GALNT2: variants seen among roughly 807,000 people sequenced by gnomAD.
GALNT2 encodes the protein UDP-GalNAc:polypeptide N-acetylgalactosaminyltransferase 2.
Under a neutral mutation model 81.4 loss-of-function variants are expected in GALNT2, and 31 were observed. That is an observed-to-expected ratio of 0.38 (90% CI 0.29 to 0.51). The LOEUF is 0.51. GALNT2 is among the 20% of genes least tolerant of loss of function. GALNT2 has a pLI of 0.87. For missense variants in GALNT2, 629 were observed against 765.7 expected, an observed-to-expected ratio of 0.82 and a Z score of 2.11; for synonymous variants, 303 against 287.4, an observed-to-expected ratio of 1.05 and a Z score of -0.55.
intron 1 of GALNT2, among the ~76,000 whole-genome samples, chr1:230,165,310 G>A (rs906984073): frequency 2.6e-5 from 4 of 152,202 alleles, no homozygotes; most frequent in Non-Finnish European, 4.4e-5. Context: ...ATGTGGCTCT[G>A]TGATCTTTAT....
intron 3 of GALNT2, among the ~76,000 whole-genome samples, chr1:230,212,728 C>A (rs80067692): frequency 0.036 from 5,461 of 152,258 alleles, 297 homozygotes; most frequent in East Asian, 0.21. Context: ...CACACCAAAG[C>A]CATGTCATTA....
At chr1:230,208,648 T>C (rs538284167) in intron 3 of GALNT2, among the ~76,000 whole-genome samples, 23 of 152,248 alleles carry the variant, frequency 1.5e-4, no homozygotes, top group Non-Finnish European at 3.2e-4. Context: ...TTGAGATCTT[T>C]AGCTGTGAAT....
rs1205022870 is a variant in GALNT2 at position 230,090,435 on chromosome 1, C to A, written c.126+23029C>A. 5.6e-4 allele frequency among the ~76,000 whole-genome samples: 85 copies of A among 152,092 alleles called. 2 individuals are homozygous for A. Among genetic ancestry groups the A allele is most frequent in the Non-Finnish European group, 1.5e-5 (1 of 68,038 alleles). On this transcript the variant is annotated intron_variant, in intron 1 of 15. Coordinates refer to ENST00000366672, the MANE Select transcript of GALNT2 (RefSeq NM_004481.5). ...TGCCCCTCCACAGCCTCTGCAAATGCCGTGTGAAGGTGGTGGACCTGCTAC... is the reference window on the plus strand; with the variant it reads ...TGCCCCTCCACAGCCTCTGCAAATGACGTGTGAAGGTGGTGGACCTGCTAC...
chr1:230,213,384 T>C (rs1036023483), intron 3 of GALNT2, among the ~76,000 whole-genome samples: 3 of 152,284 alleles, frequency 2.0e-5, no homozygotes, highest in Non-Finnish European at 4.4e-5. Context: ...TTTATCATTA[T>C]GAAATGCACT....
At position 230,203,250 on chromosome 1, in the gene GALNT2, C is replaced by T; in HGVS notation, c.334C>T (p.Leu112Phe). The T allele has an allele frequency of 1.2e-6, 2 of 1,614,182 alleles. No individual in the cohort carries two copies. The highest frequency in any genetic ancestry group is 1.7e-6 in the Non-Finnish European group (2 of 1,180,026). Reference sequence around the variant, plus strand: ...GTTCAACCAGGTGGAGAGTGATAAGCTTCGAATGGACAGAGCCATCCCTGA... The same window carrying T: ...GTTCAACCAGGTGGAGAGTGATAAGTTTCGAATGGACAGAGCCATCCCTGA... ...NKFNQVESDK[L>F]RMDRAIPDTR... The change falls in exon 3 of 16, where the codon CTT (leucine) becomes TTT (phenylalanine). Residue 112 changes from leucine (L) to phenylalanine (F), a missense_variant. Leu to Phe is a conservative substitution (Grantham distance 22, BLOSUM62 0). Around this residue, in one of 3 missense-constraint regions of GALNT2, gnomAD observed 360 missense variants for 492.8 expected, o/e 0.73. Transcript: ENST00000366672.
intron 14 of GALNT2, among the ~76,000 whole-genome samples, chr1:230,272,091 C>G (rs1251611885): frequency 1.3e-5 from 2 of 152,186 alleles, no homozygotes; most frequent in Non-Finnish European, 2.9e-5. Context: ...TCCTAAAACC[C>G]CTGTGGCTCA....
chr1:230,074,220 G>A (rs1659463015), intron 1 of GALNT2, among the ~76,000 whole-genome samples: 1 of 151,984 alleles, frequency 6.6e-6, no homozygotes, highest in Non-Finnish European at 1.5e-5. Flanking sequence ...ACCCTACCGA[G>A]TAGCTAAGAC....
chr1:230,145,509 G>T (rs1317413017), intron 1 of GALNT2, among the ~76,000 whole-genome samples: 1 of 152,240 alleles, frequency 6.6e-6, no homozygotes, highest in Non-Finnish European at 1.5e-5. Context: ...AGGGATGGTT[G>T]TAATAAATAC....
intron 1 of GALNT2, among the ~76,000 whole-genome samples, chr1:230,169,443 A>G (rs888129321): frequency 6.6e-6 from 1 of 152,194 alleles, no homozygotes; most frequent in Non-Finnish European, 1.5e-5. Context: ...AACTATTCCT[A>G]GTTGCATTTT....
chr1:230,251,844 C>T (rs1665554305), intron 10 of GALNT2, among the ~76,000 whole-genome samples: 1 of 152,120 alleles, frequency 6.6e-6, no homozygotes, highest in Non-Finnish European at 1.5e-5. Flanking sequence ...TTTGTGTCAT[C>T]GTGTAGGAAG....
intron 8 of GALNT2, among the ~76,000 whole-genome samples, chr1:230,247,994 A>G (rs1665427213): frequency 6.6e-6 from 1 of 152,200 alleles, no homozygotes; most frequent in Non-Finnish European, 1.5e-5. Flanking sequence ...GCACCATGAT[A>G]AGAGCCAGCT....
chr1:230,227,522 A>C (rs1383452903), intron 3 of GALNT2, among the ~76,000 whole-genome samples: 1 of 148,760 alleles, frequency 6.7e-6, no homozygotes, highest in Non-Finnish European at 1.5e-5. Context: ...TATATATGCT[A>C]TATAATACAG....
chr1:230,129,652 C>T (rs1171554616), intron 1 of GALNT2, among the ~76,000 whole-genome samples: 2 of 152,216 alleles, frequency 1.3e-5, no homozygotes, highest in African/African-American at 4.8e-5. Flanking sequence ...GGAAACAATA[C>T]ACCCAAGGGT....
At chr1:230,062,251 T>C (rs1659067261), upstream of GALNT2, among the ~76,000 whole-genome samples, 1 of 152,210 alleles carries the variant, frequency 6.6e-6, no homozygotes, top group Non-Finnish European at 1.5e-5. Context: ...TTATAGGAGA[T>C]TTGGGGTTTT....
chr1:230,149,668 T>A (rs1269276162), intron 1 of GALNT2, among the ~76,000 whole-genome samples: 1 of 151,898 alleles, frequency 6.6e-6, no homozygotes, highest in Admixed American at 6.6e-5. Flanking sequence ...GAGGTGGGAG[T>A]GGGCTTTTTG....
rs757597187 is a variant in GALNT2 at position 230,236,147 on chromosome 1, T to C, written c.473+35T>C. ...GGAGATGCATTACCTGTCAGGGGTG[T>C]TAAGACATTAGCTGTGTCCCAGGCA... On this transcript the variant is annotated intron_variant, in intron 4 of 15. Transcript: ENST00000366672. 2.5e-6 allele frequency: 4 copies of C among 1,593,250 alleles called. No homozygotes were observed. The Admixed American group carries it at 6.7e-5, about 27-fold the overall frequency.
intron 1 of GALNT2, among the ~76,000 whole-genome samples, chr1:230,073,994 G>GT (rs1228343994): frequency 6.6e-6 from 1 of 152,198 alleles, no homozygotes; most frequent in Non-Finnish European, 1.5e-5. Flanking sequence ...AATTTCCAGA[G>GT]TTCAGGTCAG....
rs541228143 is a variant in GALNT2 at position 230,152,538 on chromosome 1, T to C, written c.127-25680T>C. Among the ~76,000 whole-genome samples the C allele has an allele frequency of 1.1e-3, 171 of 152,360 alleles. 1 individual carries two copies. Among genetic ancestry groups the C allele is most frequent in the Non-Finnish European group, 2.1e-3 (141 of 68,036 alleles). On this transcript the variant is annotated intron_variant, in intron 1 of 15. Coordinates refer to ENST00000366672, the MANE Select transcript of GALNT2 (RefSeq NM_004481.5). ...CCGTATGTGGATGGATGGGCGTGCA[T>C]GTATTTATATAACGTATATATTTAA...
chr1:230,076,320 G>A (rs910321467), intron 1 of GALNT2, among the ~76,000 whole-genome samples: 1 of 152,206 alleles, frequency 6.6e-6, no homozygotes, highest in Non-Finnish European at 1.5e-5. Context: ...CACCATTGAA[G>A]AACAGTACAC....
Sources: gnomAD v4.1 joint callset for allele counts (sites outside exome capture counted in the v4.1 genomes callset) on GRCh38, gnomAD v4.1.1 for gene constraint, gnomAD v4.1.1 regional missense constraint, MANE v1.5 for transcripts, NCBI Gene and HGNC (gene_info 2026-07-23, HGNC 2026-07-21) for gene names.